The following MTMR1 variants were observed in gnomAD, a reference collection of about 807,000 sequenced individuals.
MTMR1 encodes the protein phosphatidylinositol-3-phosphate phosphatase MTMR1.
MTMR1 carries 17 observed loss-of-function variants against 51.6 expected under a neutral mutation model. That is an observed-to-expected ratio of 0.33 (90% CI 0.23 to 0.49). The LOEUF is 0.49. Among genes scored for constraint, MTMR1 ranks in the 20% least tolerant of loss-of-function variants. The pLI, the probability that MTMR1 is intolerant of heterozygous loss-of-function variation, is 0.99. For missense variants in MTMR1, 386 were observed against 526.9 expected (o/e 0.73, Z 2.62); for synonymous variants, 201 against 205.6 (o/e 0.98, Z 0.19).
At chrX:150,713,934 C>T (rs1046707013) in intron 3 of MTMR1, among the ~76,000 whole-genome samples, 2 of 111,593 alleles carry the variant, frequency 1.8e-5, no homozygotes, top group East Asian at 2.8e-4. Context: ...CACACACACA[C>T]ACACACACAT....
rs782090598 is a variant in MTMR1, at chrX:150,755,835, T to C, written c.1827T>C (p.Tyr609=). ...LSHLELWVNY[Y]VRWNPRMRPQ... ...ATTTGGAATTGTGGGTAAATTATTA[T>C]GTACGATGGAATCCACGGATGAGAC... The change falls in exon 15 of 16, where the codon TAT becomes TAC. Residue 609 remains tyrosine (Y), a synonymous_variant. Transcript: ENST00000445323. 1.7e-6 allele frequency: 2 copies of C among 1,205,637 alleles called. No homozygotes were observed. The highest frequency in any genetic ancestry group is 3.0e-5 in the East Asian group (1 of 33,805).
Position 150,720,581 on chromosome X carries a change from C to T in MTMR1, c.352+1881C>T, listed in dbSNP as rs946371409. 6.4e-4 allele frequency among the ~76,000 whole-genome samples: 72 copies of T among 111,985 alleles called. 1 individual carries two copies. The highest frequency in any genetic ancestry group is 2.3e-3 in the African/African-American group (71 of 30,871). On this transcript the variant is annotated intron_variant, in intron 4 of 15. Coordinates refer to ENST00000445323, the MANE Select transcript of MTMR1 (RefSeq NM_001306144.3). ...TGTTCGGCTGTTACAAATAAAGCTG[C>T]TGTGAACACTAATGTACAAGTCTGT...
intron 4 of MTMR1, among the ~76,000 whole-genome samples, chrX:150,719,710 G>C (rs781977206): frequency 8.9e-6 from 1 of 112,319 alleles, no homozygotes; most frequent in South Asian, 3.7e-4. Context: ...TTTCACTTTA[G>C]TTTTATAATT....
At chrX:150,715,930 A>G (rs1358752959) in intron 3 of MTMR1, among the ~76,000 whole-genome samples, 1 of 112,385 alleles carries the variant, frequency 8.9e-6, no homozygotes, top group African/African-American at 3.2e-5. Context: ...TTCAACTTCT[A>G]TCTTGAGAGC....
intron 1 of MTMR1, among the ~76,000 whole-genome samples, chrX:150,694,719 GA>G (rs782665182): frequency 8.9e-5 from 10 of 112,627 alleles, no homozygotes; most frequent in Admixed American, 9.4e-5. Context: ...GACAGCACTT[GA>G]AATGGTGAGG....
chrX:150,744,531 A>G, intron 13 of MTMR1, 78 bp downstream of exon 13: 1 of 802,499 alleles, frequency 1.2e-6, no homozygotes, highest in Admixed American at 2.7e-5. Context: ...TTGCTGTTTC[A>G]TTCAAGATGA....
At chrX:150,710,863 CT>C (rs1557416200) in intron 2 of MTMR1, among the ~76,000 whole-genome samples, 115 of 111,997 alleles carry the variant, frequency 1.0e-3, no homozygotes, top group African/African-American at 3.5e-3. Flanking sequence ...ATTTTCTCAT[CT>C]TTTAAAATGG....
At chrX:150,701,134 C>G (rs782510897) in intron 2 of MTMR1, among the ~76,000 whole-genome samples, 1 of 111,967 alleles carries the variant, frequency 8.9e-6, no homozygotes, top group South Asian at 3.7e-4. Context: ...TATATTTGCC[C>G]TGCAGCCAAA....
At chrX:150,747,860 A>G (rs2042619458) in intron 13 of MTMR1, among the ~76,000 whole-genome samples, 1 of 111,693 alleles carries the variant, frequency 9.0e-6, no homozygotes, top group Non-Finnish European at 1.9e-5. Flanking sequence ...CAAATCTACA[A>G]TGCAGGCTCA....
intron 13 of MTMR1, among the ~76,000 whole-genome samples, chrX:150,745,369 G>A (rs1294135207): frequency 9.0e-6 from 1 of 111,731 alleles, no homozygotes; most frequent in Non-Finnish European, 1.9e-5. Context: ...CTTCAGTCAC[G>A]GGGAAGGGAA....
chrX:150,696,317 A>G (rs1557415735), intron 1 of MTMR1, among the ~76,000 whole-genome samples: 2 of 111,694 alleles, frequency 1.8e-5, no homozygotes, highest in African/African-American at 6.5e-5. Context: ...TTCTTTGAAG[A>G]GTGACCTCTA....
intron 4 of MTMR1, among the ~76,000 whole-genome samples, chrX:150,724,992 A>G (rs1265270744): frequency 1.8e-5 from 2 of 111,883 alleles, no homozygotes; most frequent in Non-Finnish European, 3.8e-5. Flanking sequence ...GGCCTGTAGT[A>G]TAGTTTGAAG....
chrX:150,764,918 T>TATG lies in MTMR1; in HGVS notation c.*2190_*2192dup, dbSNP rs1557418411. 2.7e-5 allele frequency: 3 copies of TATG among 111,050 alleles called. No individual in the cohort carries two copies. The highest frequency in any genetic ancestry group is 1.9e-4 in the Admixed American group (2 of 10,558). The allele number at this position is 111,050 out of a possible 1,213,427, so 9.2% of individuals were successfully genotyped here. A position where few individuals can be genotyped will look rare whatever the true frequency, so the allele number is the denominator to read the frequency against. On this transcript the variant is annotated 3_prime_UTR_variant, in exon 16 of 16. Coordinates refer to ENST00000445323, the MANE Select transcript of MTMR1 (RefSeq NM_001306144.3). ...CAATCATCTGTAATTAAAATGATCA[T>TATG]ATGTTTGCTCCCTGGTCTTTTTTAA...
chrX:150,754,543 A>G lies in MTMR1; in HGVS notation c.1681-1146A>G, dbSNP rs782192869. Among the ~76,000 whole-genome samples the G allele has an allele frequency of 4.5e-5, 5 of 112,284 alleles. No homozygotes were observed. The East Asian group carries it at 1.4e-3, about 31-fold the overall frequency. On this transcript the variant is annotated intron_variant, in intron 14 of 15. Transcript: ENST00000445323. ...TTGGGTGTTTTTGTTCAGATGAGCA[A>G]TGCAAGTAGGTACAGTGTTTCTGAA...
intron 5 of MTMR1, 46 bp from the exon 6 acceptor site, chrX:150,727,638 C>A: frequency 1.0e-6 from 1 of 970,251 alleles, no homozygotes; most frequent in Non-Finnish European, 1.5e-6. Flanking sequence ...AATATGAAAA[C>A]TGTTGACTGA....
chrX:150,753,473 GCTTA>G (rs1315114520), intron 14 of MTMR1, among the ~76,000 whole-genome samples: 1 of 112,180 alleles, frequency 8.9e-6, no homozygotes, highest in Non-Finnish European at 1.9e-5. Context: ...TTTCACCAAC[GCTTA>G]CTATTTTCCT....
At chrX:150,740,868 C>T (rs1326000332) in intron 12 of MTMR1, among the ~76,000 whole-genome samples, 1 of 109,568 alleles carries the variant, frequency 9.1e-6, no homozygotes, top group Non-Finnish European at 1.9e-5. Context: ...GAGAGGGTGC[C>T]AGGCCCTTTG....
Position 150,727,792 on chromosome X carries a change from G to C in MTMR1, c.555+1G>C. On this transcript the variant is annotated splice_donor_variant, in intron 6 of 15. Coordinates refer to ENST00000445323, the MANE Select transcript of MTMR1 (RefSeq NM_001306144.3). LOFTEE classifies it high-confidence loss of function. ...CTGTGGTATAGAGATAGTGTGCAAG[G>C]TATAATAGAAACGCCAAGTGAAAAC... 8.4e-7 allele frequency: 1 copy of C among 1,187,632 alleles called. No homozygotes were observed. Among genetic ancestry groups the C allele is most frequent in the Non-Finnish European group, 1.1e-6 (1 of 878,019 alleles).
At position 150,737,456 on chromosome X, in the gene MTMR1, C is replaced by T; in HGVS notation, c.1473+8C>T. ...GGACACAGGTTTGCACTGGTAAGTT[C>T]AGACAGTGAGGTTTATGCTGGACTG... On this transcript the variant is annotated splice_region_variant and intron_variant, in intron 12 of 15. Transcript: ENST00000445323. 1 of 1,201,411 alleles carries T rather than the reference C, an allele frequency of 8.3e-7. No individual in the cohort carries two copies. The highest frequency in any genetic ancestry group is 1.1e-6 in the Non-Finnish European group (1 of 886,323).
Sources: allele counts gnomAD v4.1 joint callset (sites outside exome capture counted in the v4.1 genomes callset), GRCh38; gene constraint gnomAD v4.1.1; transcripts MANE v1.5; gene names NCBI Gene and HGNC (gene_info 2026-07-23, HGNC 2026-07-21).